Variants in TMEM131L observed in about 807,000 individuals in gnomAD.
The protein encoded by TMEM131L is transmembrane 131 like.
In TMEM131L, 54 loss-of-function variants were observed where a neutral mutation model predicts 192.2. The ratio of observed to expected loss-of-function variants is 0.28; its 90% CI spans 0.23 to 0.35. TMEM131L has a LOEUF of 0.35. TMEM131L is among the 10% of genes least tolerant of loss of function. TMEM131L has a pLI of 1.00. For missense variants in TMEM131L, 1,888 were observed against 1,972.9 expected, an observed-to-expected ratio of 0.96 and a Z score of 0.82; for synonymous variants, 701 against 704.9, an observed-to-expected ratio of 0.99 and a Z score of 0.09.
At chr4:153,609,383 A>G (rs778305522) in intron 25 of TMEM131L, among the ~76,000 whole-genome samples, 6 of 152,164 alleles carry the variant, frequency 3.9e-5, no homozygotes, top group Admixed American at 6.5e-5. Context: ...GTCAGCCCCC[A>G]TGATCCAGTC....
rs183721126 is a variant in TMEM131L, at chr4:153,624,246, G to C, written c.4045+1163G>C. 5.4e-4 allele frequency among the ~76,000 whole-genome samples: 82 copies of C among 152,026 alleles called. No homozygotes were observed. In the East Asian group the frequency reaches 0.014, roughly 25 times the overall value. On this transcript the variant is annotated intron_variant, in intron 29 of 34. Transcript: ENST00000409959. The stretch of plus-strand genomic sequence containing the variant: ...CGATTCTTGTGCCTCAGCCTCCCAA[G>C]TAGCTGGGGTTACAGGCATGTGCCA...
At chr4:153,580,771 G>T (rs1730276055) in intron 7 of TMEM131L, 55 bp from the exon 8 acceptor site, 5 of 950,172 alleles carry the variant, frequency 5.3e-6, no homozygotes, top group Non-Finnish European at 8.5e-6. Flanking sequence ...TTTATTATTA[G>T]TGTGAGATTG....
At chr4:153,573,622 T>G (rs1368906648) in intron 7 of TMEM131L, among the ~76,000 whole-genome samples, 1 of 152,248 alleles carries the variant, frequency 6.6e-6, no homozygotes, top group Non-Finnish European at 1.5e-5. Context: ...ACCAAAAGTT[T>G]AGATAGTACA....
chr4:153,541,844 C>G (rs555737931), intron 3 of TMEM131L, among the ~76,000 whole-genome samples: 23 of 152,364 alleles, frequency 1.5e-4, no homozygotes, highest in African/African-American at 5.3e-4. Flanking sequence ...AACCCCACCC[C>G]ATCACTTACC....
intron 3 of TMEM131L, among the ~76,000 whole-genome samples, chr4:153,506,083 A>C (rs925031647): frequency 2.0e-5 from 3 of 152,242 alleles, no homozygotes; most frequent in African/African-American, 7.2e-5. Context: ...GGTGAAAAAC[A>C]ATAGTAGAGT....
intron 7 of TMEM131L, among the ~76,000 whole-genome samples, chr4:153,570,254 C>G (rs933354713): frequency 6.6e-6 from 1 of 152,212 alleles, no homozygotes; most frequent in Non-Finnish European, 1.5e-5. Context: ...ACGTGTCCCC[C>G]CACTTCCCAG....
At chr4:153,588,030 C>T (rs1380237343) in intron 15 of TMEM131L, among the ~76,000 whole-genome samples, 1 of 141,854 alleles carries the variant, frequency 7.0e-6, no homozygotes, top group Non-Finnish European at 1.5e-5. Context: ...GTAGCTTGTA[C>T]TTCCGCAAGG....
intron 7 of TMEM131L, 139 bp downstream of exon 7, chr4:153,558,507 C>G (rs1728633877): frequency 2.1e-6 from 1 of 479,620 alleles, no homozygotes; most frequent in African/African-American, 1.9e-5. Context: ...CAGTGGATTC[C>G]ACCTAACTTC....
Position 153,555,889 on chromosome 4 carries a change from T to C in TMEM131L, c.411T>C (p.His137=), listed in dbSNP as rs1222010424. The C allele has an allele frequency of 1.0e-5, 16 of 1,551,504 alleles. No homozygotes were observed. The highest frequency in any genetic ancestry group is 1.4e-5 in the Non-Finnish European group (16 of 1,146,894). Residue 137 remains histidine (H), a synonymous_variant, in exon 5 of 35, where the codon CAT becomes CAC. Coordinates refer to ENST00000409959, the MANE Select transcript of TMEM131L (RefSeq NM_001131007.2). This position sits in a 1 kb window ranked among gnomAD's most constrained non-coding sequence, Gnocchi z 4.1. ...TGTTTGCAGCTGCTGGACATTTCCA[T>C]GTACCGCCAGTTCCCTGCAGGGTGG... is the stretch of plus-strand genomic sequence containing the variant. The part of the protein sequence containing the change: ...NSVFAAAGHF[H]VPPVPCRVIP...
intron 3 of TMEM131L, among the ~76,000 whole-genome samples, chr4:153,479,989 T>C (rs957387241): frequency 6.6e-6 from 1 of 152,184 alleles, no homozygotes; most frequent in Non-Finnish European, 1.5e-5. Context: ...GGCGGGCGGA[T>C]CACCTGACGT....
rs1029728397 is a variant in TMEM131L, at chr4:153,511,674, T to A, written c.239+37786T>A. On this transcript the variant is annotated intron_variant, in intron 3 of 34. Coordinates refer to ENST00000409959, the MANE Select transcript of TMEM131L (RefSeq NM_001131007.2). The stretch of plus-strand genomic sequence containing the variant: ...TACAAAACCTTTTTCCATCTATATA[T>A]GTATATGAACACATTTTCTCAGTGC... Among the ~76,000 whole-genome samples the A allele has an allele frequency of 2.0e-5, 3 of 152,172 alleles. No homozygotes were observed. In the East Asian group the frequency reaches 5.8e-4, roughly 29 times the overall value.
At chr4:153,480,789 C>G (rs776067876) in intron 3 of TMEM131L, among the ~76,000 whole-genome samples, 5 of 152,094 alleles carry the variant, frequency 3.3e-5, no homozygotes, top group Non-Finnish European at 4.4e-5. Context: ...TGGATCATAC[C>G]TTCTCCCCAG....
chr4:153,468,438 A>AT (rs1386636224), intron 2 of TMEM131L, among the ~76,000 whole-genome samples: 2 of 142,624 alleles, frequency 1.4e-5, no homozygotes, highest in South Asian at 2.3e-4. Flanking sequence ...TCCCAAATGG[A>AT]TTTTTTCCCC....
intron 3 of TMEM131L, among the ~76,000 whole-genome samples, chr4:153,545,545 C>T (rs1435653583): frequency 1.3e-5 from 2 of 152,178 alleles, no homozygotes; most frequent in East Asian, 1.9e-4. Flanking sequence ...CCTCGGCCTC[C>T]CAAAGTGCTG....
intron 3 of TMEM131L, among the ~76,000 whole-genome samples, chr4:153,522,713 G>A (rs1342770741): frequency 6.6e-6 from 1 of 152,156 alleles, no homozygotes; most frequent in Non-Finnish European, 1.5e-5. Context: ...ATGCTTCTTG[G>A]AATGAAAGAA....
At chr4:153,586,892 C>T (rs965930118) in intron 14 of TMEM131L, among the ~76,000 whole-genome samples, 2 of 151,940 alleles carry the variant, frequency 1.3e-5, no homozygotes, top group African/African-American at 2.4e-5. Flanking sequence ...TAATTTAGAC[C>T]GTCTTAAATA....
chr4:153,634,315 TTTA>T (rs752026952), intron 33 of TMEM131L, 35 bp downstream of exon 33: 102 of 1,515,872 alleles, frequency 6.7e-5, no homozygotes, highest in Non-Finnish European at 9.2e-5. Flanking sequence ...ACGCCATTAT[TTTA>T]TTCTTAGAAG....
At chr4:153,583,295 G>T in intron 10 of TMEM131L, 47 bp downstream of exon 10, 1 of 959,594 alleles carries the variant, frequency 1.0e-6, no homozygotes, top group South Asian at 1.3e-5. Context: ...TTGCAAGTGT[G>T]CATTTAATTG....
chr4:153,556,879 C>T, intron 5 of TMEM131L, 87 bp from the exon 6 acceptor site: 1 of 697,292 alleles, frequency 1.4e-6, no homozygotes, highest in Non-Finnish European at 2.6e-6. Context: ...TGTCTGTTAA[C>T]AGAAATTGTC....
Sources: gnomAD v4.1 joint callset for allele counts (sites outside exome capture counted in the v4.1 genomes callset) on GRCh38, gnomAD v4.1.1 for gene constraint, Gnocchi (gnomAD v3.1) non-coding constraint, MANE v1.5 for transcripts, NCBI Gene and HGNC (gene_info 2026-07-23, HGNC 2026-07-21) for gene names.